The following GLIS3 variants were observed in gnomAD, a reference collection of about 807,000 sequenced individuals.
GLIS3 encodes zinc finger protein GLIS3.
In GLIS3, 53 loss-of-function variants were observed where a neutral mutation model predicts 78.6. The ratio of observed to expected loss-of-function variants is 0.67; its 90% CI spans 0.54 to 0.85. The LOEUF (loss-of-function observed/expected upper bound fraction) is 0.85. Ranked by LOEUF, GLIS3 falls within the 40% of genes least tolerant of loss-of-function variation. The probability of loss-of-function intolerance (pLI) is 0.00; values close to 1 mark genes in which losing one functional copy is unlikely to be tolerated. For missense variants in GLIS3, 1,703 were observed against 1,231.1 expected (o/e 1.38, Z -5.74); for synonymous variants, 684 against 509.9 (o/e 1.34, Z -4.60).
At chr9:4,196,483 T>G (rs1205290461) in intron 2 of GLIS3, among the ~76,000 whole-genome samples, 1 of 152,206 alleles carries the variant, frequency 6.6e-6, no homozygotes, top group Non-Finnish European at 1.5e-5. Context: ...CGCACTGCCT[T>G]TATGAGCTGT....
At chr9:4,115,331 G>A (rs1178149778) in intron 4 of GLIS3, among the ~76,000 whole-genome samples, 1 of 152,070 alleles carries the variant, frequency 6.6e-6, no homozygotes, top group Non-Finnish European at 1.5e-5. Flanking sequence ...AAAACCAAAG[G>A]TCACTTCGCA....
intron 4 of GLIS3, among the ~76,000 whole-genome samples, chr9:4,091,212 T>A (rs1006515906): frequency 1.3e-5 from 2 of 151,786 alleles, no homozygotes; most frequent in Non-Finnish European, 2.9e-5. Flanking sequence ...TTTAAAATGT[T>A]AAAAATTAGC....
intron 8 of GLIS3, among the ~76,000 whole-genome samples, chr9:3,879,210 T>C (rs923613570): frequency 6.6e-6 from 1 of 152,178 alleles, no homozygotes; most frequent in Non-Finnish European, 1.5e-5. Flanking sequence ...TGGCTGGCTA[T>C]TGCCAGTATC....
At chr9:4,339,440 G>A (rs986727810) in intron 2 of GLIS3, among the ~76,000 whole-genome samples, 12 of 152,056 alleles carry the variant, frequency 7.9e-5, no homozygotes, top group Admixed American at 7.9e-4. Flanking sequence ...TTTAAAGAAT[G>A]ACATTTATAT....
intron 2 of GLIS3, among the ~76,000 whole-genome samples, chr9:4,272,363 T>C (rs1826590432): frequency 6.6e-6 from 1 of 152,236 alleles, no homozygotes; most frequent in South Asian, 2.1e-4. Context: ...TCACTCCCAA[T>C]TGCCAAGAAC....
At chr9:4,199,346 C>A (rs1429572849) in intron 2 of GLIS3, among the ~76,000 whole-genome samples, 3 of 151,810 alleles carry the variant, frequency 2.0e-5, no homozygotes, top group Non-Finnish European at 4.4e-5. Context: ...ACCATAGGCT[C>A]AAAGTAAAGG....
chr9:4,166,169 T>C (rs1835876832), intron 2 of GLIS3, among the ~76,000 whole-genome samples: 1 of 152,216 alleles, frequency 6.6e-6, no homozygotes, highest in East Asian at 1.9e-4. Context: ...GGAAAGTACT[T>C]GACACAGTGT....
chr9:4,187,771 G>C (rs931930921), intron 2 of GLIS3, among the ~76,000 whole-genome samples: 4 of 152,044 alleles, frequency 2.6e-5, no homozygotes, highest in Non-Finnish European at 5.9e-5. Context: ...GTGAATGGGA[G>C]TTCACTCATG....
intron 2 of GLIS3, among the ~76,000 whole-genome samples, chr9:4,244,784 C>T (rs1823644215): frequency 6.6e-6 from 1 of 152,084 alleles, no homozygotes; most frequent in Non-Finnish European, 1.5e-5. Flanking sequence ...CCATGCTGGC[C>T]AGGCTGGTCT....
intron 4 of GLIS3, among the ~76,000 whole-genome samples, chr9:4,114,995 A>C (rs764728436): frequency 3.9e-5 from 6 of 152,222 alleles, no homozygotes; most frequent in Non-Finnish European, 8.8e-5. Context: ...GATTCTGAGA[A>C]TGCGTTCTCT....
intron 1 of GLIS3, among the ~76,000 whole-genome samples, chr9:4,298,930 C>G (rs946010921): frequency 2.0e-5 from 3 of 152,196 alleles, no homozygotes; most frequent in African/African-American, 7.2e-5. Flanking sequence ...CTTGAAAAGA[C>G]AACTACAGCC....
At chr9:4,057,055 C>T (rs1826212249) in intron 4 of GLIS3, among the ~76,000 whole-genome samples, 1 of 152,044 alleles carries the variant, frequency 6.6e-6, no homozygotes, top group Non-Finnish European at 1.5e-5. Context: ...CCCACCACAA[C>T]TAGGCTCCTA....
the GLIS3 span, among the ~76,000 whole-genome samples, chr9:4,441,799 G>C: frequency 6.6e-6 from 1 of 152,054 alleles, no homozygotes; most frequent in African/African-American, 2.4e-5. Context: ...TAGAGACGAG[G>C]TTTTGCCATT....
intron 2 of GLIS3, among the ~76,000 whole-genome samples, chr9:4,328,672 T>C (rs921760855): frequency 1.3e-5 from 2 of 152,258 alleles, no homozygotes; most frequent in African/African-American, 4.8e-5. Flanking sequence ...GGAATCTTGC[T>C]CTGCCTCTCT....
At chr9:3,961,614 G>A (rs1817561292) in intron 4 of GLIS3, among the ~76,000 whole-genome samples, 3 of 152,304 alleles carry the variant, frequency 2.0e-5, no homozygotes, top group South Asian at 2.1e-4. Flanking sequence ...ATAGCATCCC[G>A]TTTTGAAACA....
chr9:4,233,612 A>T (rs1333015766), intron 2 of GLIS3, among the ~76,000 whole-genome samples: 1 of 152,210 alleles, frequency 6.6e-6, no homozygotes, highest in African/African-American at 2.4e-5. Context: ...GGCAGAATAG[A>T]TTAGCATAAT....
intron 4 of GLIS3, among the ~76,000 whole-genome samples, chr9:3,979,939 T>A (rs1819117354): frequency 6.6e-6 from 1 of 152,082 alleles, no homozygotes; most frequent in Non-Finnish European, 1.5e-5. Context: ...TGGGTCAACG[T>A]AAGGAACGGC....
chr9:3,857,784 A>C, intron 8 of GLIS3, among the ~76,000 whole-genome samples: 1 of 152,232 alleles, frequency 6.6e-6, no homozygotes, highest in South Asian at 2.1e-4. Context: ...ATAGCTTGAG[A>C]GAAAACACAG....
chr9:4,391,935 G>A, the GLIS3 span, among the ~76,000 whole-genome samples: 124 of 152,260 alleles, frequency 8.1e-4, no homozygotes, highest in Non-Finnish European at 1.2e-3. Context: ...ATTCTATTAT[G>A]AAGATATATG....
Sources: gnomAD v4.1 joint callset for allele counts (sites outside exome capture counted in the v4.1 genomes callset) on GRCh38, gnomAD v4.1.1 for gene constraint, MANE v1.5 for transcripts, NCBI Gene and HGNC (gene_info 2026-07-23, HGNC 2026-07-21) for gene names.